The following CSPP1 variants were observed in gnomAD, a reference collection of about 807,000 sequenced individuals.
CSPP1 encodes centrosome and spindle pole-associated protein 1.
Under a neutral mutation model 164.4 loss-of-function variants are expected in CSPP1, and 126 were observed. That is an observed-to-expected ratio of 0.77 (90% confidence interval 0.66 to 0.89). The LOEUF (loss-of-function observed/expected upper bound fraction) is 0.89, where lower values mean the gene tolerates loss of function less well. Ranked by LOEUF, CSPP1 falls within the 40% of genes least tolerant of loss-of-function variation. CSPP1 has a pLI of 0.00. For missense variants in CSPP1, 1,395 were observed against 1,449.8 expected (o/e 0.96, Z 0.61); for synonymous variants, 472 against 476.7 (o/e 0.99, Z 0.13).
chr8:67,120,783 A>G (rs967283557), intron 15 of CSPP1, among the ~76,000 whole-genome samples: 5 of 152,072 alleles, frequency 3.3e-5, no homozygotes, highest in African/African-American at 1.2e-4. Flanking sequence ...TGCAAATAAG[A>G]TGATAACATC....
At chr8:67,131,101 A>G (rs150743091) in intron 15 of CSPP1, among the ~76,000 whole-genome samples, 38 of 152,154 alleles carry the variant, frequency 2.5e-4, no homozygotes, top group African/African-American at 9.2e-4. Context: ...GTACTTAAAC[A>G]TGTGTTATGT....
At chr8:67,153,551 T>G (rs1490375405) in intron 18 of CSPP1, among the ~76,000 whole-genome samples, 3 of 152,138 alleles carry the variant, frequency 2.0e-5, no homozygotes, top group Non-Finnish European at 4.4e-5. Flanking sequence ...TATTCTGTCA[T>G]TTAAACTATT....
chr8:67,191,105 A>G (rs1836113637), intron 29 of CSPP1, among the ~76,000 whole-genome samples: 1 of 152,228 alleles, frequency 6.6e-6, no homozygotes, highest in Admixed American at 6.5e-5. Flanking sequence ...ATTCTGTGAT[A>G]TAGGCATCAC....
chr8:67,160,231 G>A lies in CSPP1; in HGVS notation c.2538+1094G>A, dbSNP rs564318706. On this transcript the variant is annotated intron_variant, in intron 21 of 30. Transcript: ENST00000678616. ...ATTCATCATTTAAGAATTTAAGGTC[G>A]AGGCAGGCGGATCACTTGAGGCCAG... Among the ~76,000 whole-genome samples, 37 of 150,544 alleles carry A rather than the reference G, an allele frequency of 2.5e-4. No individual in the cohort carries two copies. In the East Asian group the frequency reaches 5.9e-3, roughly 24 times the overall value.
chr8:67,081,139 G>C (rs1409371375), intron 3 of CSPP1: 1 of 152,110 alleles, frequency 6.6e-6, no homozygotes, highest in Non-Finnish European at 1.5e-5. Context: ...TAAACTGTTA[G>C]GTATGGTCCA....
intron 5 of CSPP1, among the ~76,000 whole-genome samples, chr8:67,092,647 G>A (rs1811862154): frequency 6.6e-6 from 1 of 152,054 alleles, no homozygotes; most frequent in African/African-American, 2.4e-5. Context: ...GTTTCACAAT[G>A]TAGGCCAGGC....
chr8:67,158,056 C>A (rs1827010243), intron 19 of CSPP1, among the ~76,000 whole-genome samples: 1 of 151,016 alleles, frequency 6.6e-6, no homozygotes, highest in Non-Finnish European at 1.5e-5. Flanking sequence ...TAGCAGCAAT[C>A]ACTATAGAAT....
chr8:67,139,654 T>C (rs1433120541), intron 17 of CSPP1, among the ~76,000 whole-genome samples: 1 of 152,192 alleles, frequency 6.6e-6, no homozygotes, highest in African/African-American at 2.4e-5. Flanking sequence ...CATGGAATAC[T>C]ATGCAGCCAT....
chr8:67,109,605 T>G lies in CSPP1; in HGVS notation c.1094-2367T>G, dbSNP rs538301195. On this transcript the variant is annotated intron_variant, in intron 9 of 30. Coordinates refer to ENST00000678616, the MANE Select transcript of CSPP1 (RefSeq NM_001382391.1). ...GGAGCAGGGAACATAGTAGCCATCT[T>G]TAAAAAATTTTGCCTACCATTGTCG... is the stretch of plus-strand genomic sequence containing the variant. 3.9e-5 allele frequency among the ~76,000 whole-genome samples: 6 copies of G among 152,280 alleles called. No homozygotes were observed. The South Asian group carries it at 1.2e-3, about 32-fold the overall frequency.
At chr8:67,178,516 C>T (rs1832225178) in intron 27 of CSPP1, among the ~76,000 whole-genome samples, 1 of 152,084 alleles carries the variant, frequency 6.6e-6, no homozygotes, top group Non-Finnish European at 1.5e-5. Context: ...TCAAATAAAT[C>T]AATAGTTTTT....
At chr8:67,165,816 A>G (rs1161585023) in intron 24 of CSPP1, among the ~76,000 whole-genome samples, 2 of 152,332 alleles carry the variant, frequency 1.3e-5, no homozygotes, top group East Asian at 3.9e-4. Flanking sequence ...AAAGTTAACT[A>G]TTCTTTGGTC....
At position 67,177,619 on chromosome 8, in the gene CSPP1, T is replaced by C. The variant is rs1418937246; in HGVS notation, c.3110-61T>C. 5 of 1,062,938 alleles carry C rather than the reference T, an allele frequency of 4.7e-6. No individual in the cohort carries two copies. In the Admixed American group the frequency reaches 5.8e-5, roughly 12 times the overall value. 65.8% of individuals were successfully genotyped at this position (1,062,938 alleles called of 1,614,324 possible). On this transcript the variant is annotated intron_variant, in intron 26 of 30. Coordinates refer to ENST00000678616, the MANE Select transcript of CSPP1 (RefSeq NM_001382391.1). ...TAGTCAAAAAAGATATTCTAAAATT[T>C]AATTTATATAGTAAGCATTTTCTGA...
intron 3 of CSPP1, among the ~76,000 whole-genome samples, chr8:67,083,109 AAACAT>A (rs1412745324): frequency 6.6e-6 from 1 of 152,250 alleles, no homozygotes; most frequent in African/African-American, 2.4e-5. Context: ...TCTGTTGACT[AAACAT>A]TAAATTAATA....
intron 8 of CSPP1, among the ~76,000 whole-genome samples, chr8:67,105,201 T>C (rs896729582): frequency 6.6e-5 from 10 of 150,868 alleles, no homozygotes; most frequent in Non-Finnish European, 4.4e-5. Flanking sequence ...AATTTCTGTA[T>C]TTTTAGTAGA....
chr8:67,195,549 C>G lies in CSPP1; in HGVS notation c.3637C>G (p.Pro1213Ala). 6.2e-7 allele frequency: 1 copy of G among 1,614,168 alleles called. No individual in the cohort carries two copies. The highest frequency in any genetic ancestry group is 1.1e-5 in the South Asian group (1 of 91,078). ...NQEQQQIPGK[P>A]GTFTWQGLST... ...GGAGCAGCAGCAGATTCCTGGAAAA[C>G]CAGGCACTTTCACTTGGCAGGGCCT... Residue 1213 changes from proline (P) to alanine (A), a missense_variant, in exon 31 of 31, where the codon CCA becomes GCA. Transcript: ENST00000678616.
At chr8:67,165,168 C>T (rs906951860) in intron 24 of CSPP1, among the ~76,000 whole-genome samples, 5 of 152,094 alleles carry the variant, frequency 3.3e-5, no homozygotes, top group Non-Finnish European at 7.4e-5. Flanking sequence ...CCTGTGGTCC[C>T]AGCTACTCAG....
At chr8:67,130,837 A>G (rs556618768) in intron 15 of CSPP1, among the ~76,000 whole-genome samples, 7 of 151,804 alleles carry the variant, frequency 4.6e-5, no homozygotes, top group Non-Finnish European at 7.4e-5. Flanking sequence ...AAAATACGAA[A>G]ATTAGCCGGG....
chr8:67,160,769 C>T (rs1034729748), intron 21 of CSPP1, among the ~76,000 whole-genome samples: 2 of 151,522 alleles, frequency 1.3e-5, no homozygotes, highest in Admixed American at 1.3e-4. Context: ...TAGCTTCTAT[C>T]TTTAGTTTGT....
chr8:67,180,866 T>A (rs1832835782), intron 28 of CSPP1, among the ~76,000 whole-genome samples: 1 of 152,062 alleles, frequency 6.6e-6, no homozygotes, highest in Admixed American at 6.5e-5. Context: ...CTTTTTTTTT[T>A]AAAGTAGTAT....
Sources: allele counts gnomAD v4.1 joint callset (sites outside exome capture counted in the v4.1 genomes callset), GRCh38; gene constraint gnomAD v4.1.1; transcripts MANE v1.5; gene names NCBI Gene and HGNC (gene_info 2026-07-23, HGNC 2026-07-21).